ABLIM2: variants seen among roughly 807,000 people sequenced by gnomAD.
ABLIM2 encodes actin binding LIM protein family member 2.
In ABLIM2, 53 loss-of-function variants were observed where a neutral mutation model predicts 97.7. The ratio of observed to expected loss-of-function variants is 0.54; its 90% CI spans 0.44 to 0.68. The LOEUF (loss-of-function observed/expected upper bound fraction) is 0.68. Ranked by LOEUF, ABLIM2 falls within the 30% of genes least tolerant of loss-of-function variation. The pLI, the probability that ABLIM2 is intolerant of heterozygous loss-of-function variation, is 0.00. For synonymous variants in ABLIM2, 361 were observed against 345.8 expected (o/e 1.04, Z -0.49); for missense variants, 835 against 867.2 (o/e 0.96, Z 0.47).
rs1715023731 is a variant in ABLIM2, at chr4:8,155,545, A to C, written c.10+3135T>G. On this transcript the variant is annotated intron_variant, in intron 1 of 20. Coordinates refer to ENST00000447017, the MANE Select transcript of ABLIM2 (RefSeq NM_001130083.2). This position sits in a 1 kb window ranked among gnomAD's most constrained non-coding sequence, Gnocchi z 4.2. ...GAAACAGAAGGCTGAGCCAGCCACA[A>C]GGCCGCCCTTGGCCCCGCACCCCTG... Among the ~76,000 whole-genome samples, 1 of 152,226 alleles carries C rather than the reference A, an allele frequency of 6.6e-6. No individual in the cohort carries two copies. Among genetic ancestry groups the C allele is most frequent in the African/African-American group, 2.4e-5 (1 of 41,456 alleles).
chr4:8,074,982 CA>C (rs1815042801), intron 6 of ABLIM2, among the ~76,000 whole-genome samples: 2 of 152,076 alleles, frequency 1.3e-5, no homozygotes, highest in African/African-American at 4.8e-5. Flanking sequence ...GACGGGGTTT[CA>C]CCATGTTGGC....
rs912699996 is a variant in ABLIM2 at position 7,966,395 on chromosome 4, C to A, written c.*595G>T. On this transcript the variant is annotated 3_prime_UTR_variant, in exon 21 of 21. Coordinates refer to ENST00000447017, the MANE Select transcript of ABLIM2 (RefSeq NM_001130083.2). ...GAGGAACGCAGCGCATGGAGGGGCG[C>A]TGGCGGAAGGTGCCCTGTCTTGTCC... The A allele has an allele frequency of 6.5e-6, 1 of 152,850 alleles. No homozygotes were observed. The highest frequency in any genetic ancestry group is 2.4e-5 in the African/African-American group (1 of 41,466). 9.5% of individuals were successfully genotyped at this position (152,850 alleles called of 1,614,324 possible).
rs577282949 is a variant in ABLIM2 at position 8,058,321 on chromosome 4, G to A, written c.763+2646C>T. ...GACTCAAGGAACAGGCGACACCGGG[G>A]ACGAGGCTGTCCTGTCTGACATCAC... is the stretch of plus-strand genomic sequence containing the variant. On this transcript the variant is annotated intron_variant, in intron 7 of 20. Coordinates refer to ENST00000447017, the MANE Select transcript of ABLIM2 (RefSeq NM_001130083.2). This position sits in a 1 kb window ranked among gnomAD's most constrained non-coding sequence, Gnocchi z 4.2. Among the ~76,000 whole-genome samples the A allele has an allele frequency of 3.9e-5, 6 of 152,356 alleles. 1 individual carries two copies. The highest frequency in any genetic ancestry group is 1.4e-4 in the African/African-American group (6 of 41,590).
intron 20 of ABLIM2, among the ~76,000 whole-genome samples, chr4:7,980,961 T>TTTTTTTTTTTTTTTTTC (rs1737839935): frequency 6.9e-6 from 1 of 144,380 alleles, no homozygotes; most frequent in African/African-American, 2.6e-5. Flanking sequence ...TTTTTTTTTT[T>TTTTTTTTTTTTTTTTTC]GAGATGGAGT....
rs771456940 is a variant in ABLIM2 at position 8,054,219 on chromosome 4, C to A, written c.791G>T (p.Arg264Leu). The A allele has an allele frequency of 6.2e-7, 1 of 1,614,034 alleles. No homozygotes were observed. The highest frequency in any genetic ancestry group is 1.7e-5 in the Admixed American group (1 of 60,028). Residue 264 changes from arginine to leucine, a missense_variant, in exon 8 of 21, where the codon CGA becomes CTA. By Grantham distance (102) the Arg-to-Leu change is moderately radical. Transcript: ENST00000447017. The surrounding 1 kb of genome is among the most constrained non-coding windows in gnomAD (Gnocchi z 4.9). Reference sequence around the variant, plus strand: ...TCTGTCTTCAGTTCTGGCTGCTTGTCGACACGCCGGATGCCAGATGGAGGA... The same window carrying A: ...TCTGTCTTCAGTTCTGGCTGCTTGTAGACACGCCGGATGCCAGATGGAGGA... Reference protein sequence around the residue: ...QGSSIWHPACRQAARTEDRNK... With the variant: ...QGSSIWHPACLQAARTEDRNK...
At chr4:8,144,564 C>T (rs1221356225) in intron 1 of ABLIM2, among the ~76,000 whole-genome samples, 2 of 152,128 alleles carry the variant, frequency 1.3e-5, no homozygotes, top group Admixed American at 6.5e-5. Flanking sequence ...GGAGGGAGGG[C>T]GCCATTCAGC....
At chr4:8,109,580 G>A (rs1373605130) in intron 1 of ABLIM2, among the ~76,000 whole-genome samples, 2 of 152,088 alleles carry the variant, frequency 1.3e-5, no homozygotes, top group East Asian at 1.9e-4. Flanking sequence ...ACCCATCCTC[G>A]CCTAGGGTCC....
In ABLIM2 at chr4:8,083,583, T is replaced by G. The variant is rs1821315702; in HGVS notation, c.455-2781A>C. 6.6e-6 allele frequency among the ~76,000 whole-genome samples: 1 copy of G among 152,146 alleles called. No homozygotes were observed. The highest frequency in any genetic ancestry group is 2.1e-4 in the South Asian group (1 of 4,824). ...CTCATTCTCCTATCAGCAGTACACG[T>G]GGAGATGAGAGCAAGGTGCAAAAGG... On this transcript the variant is annotated intron_variant, in intron 4 of 20. Coordinates refer to ENST00000447017, the MANE Select transcript of ABLIM2 (RefSeq NM_001130083.2). This position sits in a 1 kb window ranked among gnomAD's most constrained non-coding sequence, Gnocchi z 4.6.
rs1812674112 is a variant in ABLIM2 at position 8,072,174 on chromosome 4, CA to C, written c.675+5453del. 6.6e-6 allele frequency among the ~76,000 whole-genome samples: 1 copy of C among 152,220 alleles called. No homozygotes were observed. The highest frequency in any genetic ancestry group is 1.5e-5 in the Non-Finnish European group (1 of 68,030). ...CACAGCAGAGGAGGAGGAAAAAACC[CA>C]GACCTGTTTTGCTCCTGTTCCTCGA... On this transcript the variant is annotated intron_variant, in intron 6 of 20. Coordinates refer to ENST00000447017, the MANE Select transcript of ABLIM2 (RefSeq NM_001130083.2). This position sits in a 1 kb window ranked among gnomAD's most constrained non-coding sequence, Gnocchi z 5.8.
At chr4:7,990,892 C>G (rs76716504) in intron 17 of ABLIM2, among the ~76,000 whole-genome samples, 6,637 of 152,152 alleles carry the variant, frequency 0.044, 239 homozygotes, top group African/African-American at 0.1. Context: ...AAAGAGAATC[C>G]CAAAGCAAAG....
At chr4:8,076,890 TGGGGGGG>T (rs1816462243) in intron 6 of ABLIM2, among the ~76,000 whole-genome samples, 2 of 1,716 alleles carry the variant, frequency 1.2e-3, no homozygotes, top group African/African-American at 2.2e-3. Context: ...GGCTACAGGG[TGGGGGGG>T]TCTGTGAACC....
At chr4:8,152,723 G>C (rs1473411002) in intron 1 of ABLIM2, among the ~76,000 whole-genome samples, 1 of 152,222 alleles carries the variant, frequency 6.6e-6, no homozygotes, top group Non-Finnish European at 1.5e-5. Flanking sequence ...AGCACTAGGA[G>C]CTATCCCAGG....
intron 14 of ABLIM2, among the ~76,000 whole-genome samples, chr4:8,010,066 G>C (rs1464203959): frequency 1.3e-5 from 2 of 152,206 alleles, no homozygotes; most frequent in Admixed American, 1.3e-4. Flanking sequence ...CAAAATTACA[G>C]AATGCAACCA....
intron 1 of ABLIM2, among the ~76,000 whole-genome samples, chr4:8,118,481 A>G (rs1304070031): frequency 6.6e-6 from 1 of 152,198 alleles, no homozygotes; most frequent in African/African-American, 2.4e-5. Flanking sequence ...AGTCTCCAAG[A>G]CAAGCTCTCC....
chr4:8,064,559 T>C (rs1805736130), intron 6 of ABLIM2, among the ~76,000 whole-genome samples: 1 of 152,218 alleles, frequency 6.6e-6, no homozygotes, highest in African/African-American at 2.4e-5. Context: ...CTTTTCTTTA[T>C]AAATTCCCCA....
Position 8,150,165 on chromosome 4 carries a change from T to G in ABLIM2, c.10+8515A>C, listed in dbSNP as rs6818575. 0.02 allele frequency among the ~76,000 whole-genome samples: 3,120 copies of G among 152,336 alleles called. 107 individuals carry two copies. Among genetic ancestry groups the G allele is most frequent in the African/African-American group, 0.071 (2,970 of 41,576 alleles). ...AGGTCTGGATGCTCCTTGGAATTCT[T>G]CCTTCTGGGCACTTCGTGTCCAGCT... On this transcript the variant is annotated intron_variant, in intron 1 of 20. Transcript: ENST00000447017. The surrounding 1 kb of genome is among the most constrained non-coding windows in gnomAD (Gnocchi z 6.3).
At position 8,148,795 on chromosome 4, in the gene ABLIM2, G is replaced by C. The variant is rs1005791169; in HGVS notation, c.10+9885C>G. ...CAGAGATGAGGAGGCCAAGGCTCAGGGGGTACATGGCCTGGGCTGGTTCCT... is the reference window on the plus strand; with the variant it reads ...CAGAGATGAGGAGGCCAAGGCTCAGCGGGTACATGGCCTGGGCTGGTTCCT... On this transcript the variant is annotated intron_variant, in intron 1 of 20. Transcript: ENST00000447017. The surrounding 1 kb of genome is among the most constrained non-coding windows in gnomAD (Gnocchi z 6.7). Among the ~76,000 whole-genome samples the C allele has an allele frequency of 4.6e-5, 7 of 152,296 alleles. No homozygotes were observed. Among genetic ancestry groups the C allele is most frequent in the African/African-American group, 1.4e-4 (6 of 41,562 alleles).
At position 8,091,340 on chromosome 4, in the gene ABLIM2, A is replaced by ATAAT. The variant is rs1827536457; in HGVS notation, c.339-3057_339-3056insATTA. On this transcript the variant is annotated intron_variant, in intron 3 of 20. Transcript: ENST00000447017. The stretch of plus-strand genomic sequence containing the variant: ...ATAATTATATATATATTATATATAT[A>ATAAT]ATATATATATAATTATATATATATT... Among the ~76,000 whole-genome samples, 2 of 27,570 alleles carry ATAAT rather than the reference A, an allele frequency of 7.3e-5. 1 individual carries two copies. Among genetic ancestry groups the ATAAT allele is most frequent in the Admixed American group, 1.2e-3 (2 of 1,604 alleles). The allele number at this position is 27,570 out of a possible 152,430, so 18.1% of individuals were successfully genotyped here. A position where few individuals can be genotyped will look rare whatever the true frequency, so the allele number is the denominator to read the frequency against.
Position 8,122,683 on chromosome 4 carries a change from C to T in ABLIM2, c.11-16046G>A, listed in dbSNP as rs947754223. On this transcript the variant is annotated intron_variant, in intron 1 of 20. Transcript: ENST00000447017. This position sits in a 1 kb window ranked among gnomAD's most constrained non-coding sequence, Gnocchi z 4.1. ...AACATGAACATTCACTTCTTAACAC[C>T]ATCCACTGTCAGACCCTACATGGTA... 6.6e-6 allele frequency among the ~76,000 whole-genome samples: 1 copy of T among 152,182 alleles called. No individual in the cohort carries two copies. Among genetic ancestry groups the T allele is most frequent in the Non-Finnish European group, 1.5e-5 (1 of 68,034 alleles).
Sources: allele counts gnomAD v4.1 joint callset (sites outside exome capture counted in the v4.1 genomes callset), GRCh38; gene constraint gnomAD v4.1.1; non-coding constraint Gnocchi (gnomAD v3.1); transcripts MANE v1.5; gene names NCBI Gene and HGNC (gene_info 2026-07-23, HGNC 2026-07-21).